The following GRID2 variants were observed in gnomAD, a reference collection of about 807,000 sequenced individuals.
The protein encoded by GRID2 is glutamate receptor ionotropic, delta-2.
Under a neutral mutation model 114.8 loss-of-function variants are expected in GRID2, and 33 were observed. That is an observed-to-expected ratio of 0.29 (90% CI 0.22 to 0.38). GRID2 has a LOEUF of 0.38. GRID2 is among the 10% of genes least tolerant of loss of function. The probability of loss-of-function intolerance (pLI) is 1.00; values close to 1 mark genes in which losing one functional copy is unlikely to be tolerated. For missense variants in GRID2, 1,184 were observed against 1,257.7 expected (o/e 0.94, Z 0.89); for synonymous variants, 505 against 449.9 (o/e 1.12, Z -1.55).
At chr4:93,630,842 T>A (rs1743177548) in intron 14 of GRID2, among the ~76,000 whole-genome samples, 1 of 152,188 alleles carries the variant, frequency 6.6e-6, no homozygotes, top group Non-Finnish European at 1.5e-5. Flanking sequence ...AATTCAAAAT[T>A]TCTGATTTCA....
At chr4:93,589,283 T>C (rs1737892192) in intron 13 of GRID2, among the ~76,000 whole-genome samples, 1 of 148,012 alleles carries the variant, frequency 6.8e-6, no homozygotes, top group South Asian at 2.2e-4. Flanking sequence ...TTCCCACCTA[T>C]GAGTGAGAAT....
intron 13 of GRID2, among the ~76,000 whole-genome samples, chr4:93,569,702 CT>C (rs1735752408): frequency 1.3e-5 from 2 of 152,142 alleles, no homozygotes; most frequent in Admixed American, 6.6e-5. Flanking sequence ...CAAATCCTAG[CT>C]TTGCCCATTT....
chr4:93,407,260 C>G (rs1374333815), intron 9 of GRID2, among the ~76,000 whole-genome samples: 1 of 152,026 alleles, frequency 6.6e-6, no homozygotes, highest in Non-Finnish European at 1.5e-5. Context: ...GCATCCAAAT[C>G]TGGGGCTGGT....
intron 2 of GRID2, among the ~76,000 whole-genome samples, chr4:92,739,349 A>G (rs1736758417): frequency 6.6e-6 from 1 of 152,196 alleles, no homozygotes. Context: ...GCCTTTTGAC[A>G]AATAAAATTA....
chr4:92,953,969 T>G (rs1752207580), intron 2 of GRID2, among the ~76,000 whole-genome samples: 1 of 152,258 alleles, frequency 6.6e-6, no homozygotes, highest in East Asian at 1.9e-4. Flanking sequence ...AAATATTTAC[T>G]AAATATTTTG....
intron 2 of GRID2, among the ~76,000 whole-genome samples, chr4:92,602,214 AAAAGAAAAG>A: frequency 6.6e-6 from 1 of 151,244 alleles, no homozygotes; most frequent in African/African-American, 2.4e-5. Flanking sequence ...AAAAAAAAAA[AAAAGAAAAG>A]AAAAGAAAAA....
chr4:92,844,357 G>A (rs1743136261), intron 2 of GRID2, among the ~76,000 whole-genome samples: 1 of 151,922 alleles, frequency 6.6e-6, no homozygotes, highest in African/African-American at 2.4e-5. Flanking sequence ...TGAACCACAT[G>A]GTGAAACCCC....
At chr4:92,713,476 CATATATATATATATATAT>C (rs10593127) in intron 2 of GRID2, among the ~76,000 whole-genome samples, 569 of 54,074 alleles carry the variant, frequency 0.011, 24 homozygotes, top group African/African-American at 0.037. Flanking sequence ...TATACATATA[CATATATATATATATATAT>C]ATATATATAT....
At chr4:92,359,884 T>C (rs1275013292) in intron 1 of GRID2, among the ~76,000 whole-genome samples, 1 of 151,988 alleles carries the variant, frequency 6.6e-6, no homozygotes, top group Non-Finnish European at 1.5e-5. Context: ...ACCTATGATA[T>C]TGACTATTTC....
chr4:92,816,107 G>A (rs760000409), intron 2 of GRID2, among the ~76,000 whole-genome samples: 27 of 151,092 alleles, frequency 1.8e-4, no homozygotes, highest in Non-Finnish European at 2.8e-4. Flanking sequence ...CCTGAGGTCC[G>A]GAGTTCGAGA....
At chr4:93,569,202 C>A (rs992612727) in intron 13 of GRID2, among the ~76,000 whole-genome samples, 1 of 152,170 alleles carries the variant, frequency 6.6e-6, no homozygotes, top group African/African-American at 2.4e-5. Context: ...CTGGACTATG[C>A]CTAAAATCAT....
intron 2 of GRID2, among the ~76,000 whole-genome samples, chr4:92,623,999 A>G (rs1377143743): frequency 6.6e-6 from 1 of 151,860 alleles, no homozygotes; most frequent in Non-Finnish European, 1.5e-5. Context: ...GTTAAGCATC[A>G]TTGATTGTGG....
chr4:93,129,654 C>T (rs1734614636), intron 4 of GRID2, among the ~76,000 whole-genome samples: 1 of 152,182 alleles, frequency 6.6e-6, no homozygotes, highest in African/African-American at 2.4e-5. Flanking sequence ...ACTTCACCAT[C>T]ATTGCACCCT....
At chr4:92,843,257 TAATAA>T (rs777791884) in intron 2 of GRID2, among the ~76,000 whole-genome samples, 9 of 151,212 alleles carry the variant, frequency 6.0e-5, no homozygotes, top group Non-Finnish European at 8.9e-5. Flanking sequence ...AAAAATAAAA[TAATAA>T]AATAAAAACA....
At chr4:92,686,928 C>T (rs987176935) in intron 2 of GRID2, among the ~76,000 whole-genome samples, 104 of 152,080 alleles carry the variant, frequency 6.8e-4, no homozygotes, top group African/African-American at 2.4e-3. Flanking sequence ...AAAGTTTGAA[C>T]CTGTTAAGCT....
chr4:92,922,915 CA>C (rs1749485100), intron 2 of GRID2, among the ~76,000 whole-genome samples: 1 of 152,164 alleles, frequency 6.6e-6, no homozygotes, highest in Non-Finnish European at 1.5e-5. Context: ...GAAGGAGACA[CA>C]ACGGAGGCTC....
intron 5 of GRID2, among the ~76,000 whole-genome samples, chr4:93,210,007 T>C (rs751519623): frequency 1.3e-5 from 2 of 152,112 alleles, no homozygotes; most frequent in Admixed American, 6.6e-5. Context: ...AAATAGACCT[T>C]TGACAGATGC....
intron 14 of GRID2, among the ~76,000 whole-genome samples, chr4:93,683,532 T>C (rs1725792963): frequency 6.6e-6 from 1 of 152,110 alleles, no homozygotes. Context: ...CTTAAGAGAT[T>C]CTGAGTCGTA....
Position 93,455,863 on chromosome 4 carries a change from C to G in GRID2, c.1747C>G (p.Leu583Val). 6.2e-7 allele frequency: 1 copy of G among 1,610,008 alleles called. No individual in the cohort carries two copies. Among genetic ancestry groups the G allele is most frequent in the Non-Finnish European group, 8.5e-7 (1 of 1,176,242 alleles). The change falls in exon 11 of 16, where the codon CTG (leucine) becomes GTG (valine). Residue 583 changes from leucine (L) to valine (V), a missense_variant. Leu to Val is a conservative substitution (Grantham distance 32). Transcript: ENST00000282020. ...IAGTVLLVGL[L>V]VYLLNWLNPP... ...TGGCACAGTCCTTCTGGTGGGTCTA[C>G]TGGTCTACCTCTTGAACTGGCTTAA...
Sources: gnomAD v4.1 joint callset for allele counts (sites outside exome capture counted in the v4.1 genomes callset) on GRCh38, gnomAD v4.1.1 for gene constraint, MANE v1.5 for transcripts, NCBI Gene and HGNC (gene_info 2026-07-23, HGNC 2026-07-21) for gene names.